The following MCRS1 variants were observed in gnomAD, a reference collection of about 807,000 sequenced individuals.
MCRS1 encodes microspherule protein 1, also known as 58 kDa microspherule protein.
MCRS1 carries 22 observed loss-of-function variants against 62.9 expected under a neutral mutation model. The ratio of observed to expected loss-of-function variants is 0.35; its 90% CI spans 0.25 to 0.50. The LOEUF (loss-of-function observed/expected upper bound fraction) is 0.50, where lower values mean the gene tolerates loss of function less well. Ranked by LOEUF, MCRS1 falls within the 20% of genes least tolerant of loss-of-function variation. The probability of loss-of-function intolerance (pLI) is 0.98; values close to 1 mark genes in which losing one functional copy is unlikely to be tolerated. For missense variants in MCRS1, 456 were observed against 601.1 expected (o/e 0.76, Z 2.52); for synonymous variants, 244 against 233.5 (o/e 1.04, Z -0.41).
chr12:49,564,050 G>A (rs1362844204), intron 6 of MCRS1, among the ~76,000 whole-genome samples: 1 of 152,216 alleles, frequency 6.6e-6, no homozygotes, highest in Admixed American at 6.5e-5. Flanking sequence ...TTATTTGGAA[G>A]CCTGTGGCTA....
rs756198445 is a variant in MCRS1 at position 49,559,011 on chromosome 12, G to A, written c.1175-41C>T. 3.1e-6 allele frequency: 5 copies of A among 1,604,608 alleles called. No individual in the cohort carries two copies. The East Asian group carries it at 8.9e-5, about 29-fold the overall frequency. On this transcript the variant is annotated intron_variant, in intron 13 of 14. Coordinates refer to ENST00000343810, the MANE Select transcript of MCRS1 (RefSeq NM_006337.5). The surrounding 1 kb of genome is among the most constrained non-coding windows in gnomAD (Gnocchi z 5.2). ...GAAAGAAGGGATGATGGGATGGGGA[G>A]GGATTGATGGGATGGGGAAAGGCCA...
In MCRS1 at chr12:49,559,802, C is replaced by A. The variant is rs1476334687; in HGVS notation, c.930G>T (p.Arg310=). 2 of 1,614,082 alleles carry A rather than the reference C, an allele frequency of 1.2e-6. No homozygotes were observed. Among genetic ancestry groups the A allele is most frequent in the Non-Finnish European group, 1.7e-6 (2 of 1,180,036 alleles). ...GCTGCCGAATCTCTCGCTTCTGGCG[C>A]CGGTCAGCCACCATCAGCTCTGGGG... ...VLEHELMVAD[R]RQKREIRQLE... Residue 310 remains arginine, a synonymous_variant, in exon 11 of 15, where the codon CGG becomes CGT. Transcript: ENST00000343810. The surrounding 1 kb of genome is among the most constrained non-coding windows in gnomAD (Gnocchi z 5.2).
At chr12:49,563,569 G>C in intron 6 of MCRS1, 23 bp from the exon 7 acceptor site, 1 of 1,577,112 alleles carries the variant, frequency 6.3e-7, no homozygotes. Flanking sequence ...AGAGACAGAG[G>C]GGAGGGGTGA....
Position 49,565,707 on chromosome 12 carries a change from C to A in MCRS1, c.150-40G>T, listed in dbSNP as rs551536259. 3 of 1,613,900 alleles carry A rather than the reference C, an allele frequency of 1.9e-6. No individual in the cohort carries two copies. The South Asian group carries it at 3.3e-5, about 18-fold the overall frequency. On this transcript the variant is annotated intron_variant, in intron 3 of 14. Coordinates refer to ENST00000343810, the MANE Select transcript of MCRS1 (RefSeq NM_006337.5). ...GCCCAGTGAACACTCCTTACCCCAC[C>A]CTGGTACCCATTCACACACCCCCAG...
chr12:49,558,819 C>T (rs779903157), intron 14 of MCRS1, 24 bp downstream of exon 14: 2 of 1,613,316 alleles, frequency 1.2e-6, no homozygotes. Flanking sequence ...TCATCCTGGC[C>T]TTCCTGCCTC....
intron 1 of MCRS1, 76 bp from the exon 2 acceptor site, chr12:49,566,917 TC>T: frequency 1.4e-6 from 1 of 708,426 alleles, no homozygotes; most frequent in Non-Finnish European, 2.4e-6. Flanking sequence ...CTGGCTCAGG[TC>T]CCCCAGGGTC....
At chr12:49,561,903 C>G (rs1340965741) in intron 8 of MCRS1, among the ~76,000 whole-genome samples, 1 of 152,202 alleles carries the variant, frequency 6.6e-6, no homozygotes, top group East Asian at 1.9e-4. Context: ...CAGGCGTGAG[C>G]CACCATGCCT....
chr12:49,560,465 G>A (rs781438720), intron 8 of MCRS1, 95 bp from the exon 9 acceptor site: 25 of 1,131,178 alleles, frequency 2.2e-5, no homozygotes, highest in African/African-American at 7.6e-5. Flanking sequence ...TGCAGACTGC[G>A]CTGGGTGGAG....
In MCRS1 at chr12:49,560,370, A is replaced by G. The variant is rs1157346382; in HGVS notation, c.806T>C (p.Val269Ala). Residue 269 changes from valine to alanine, a missense_variant and splice_region_variant, in exon 9 of 15, where the codon GTG (valine) becomes GCG (alanine). Physicochemically the swap from Val to Ala is moderately conservative, Grantham distance 64. Around this residue, in one of 3 missense-constraint regions of MCRS1, gnomAD observed 393 missense variants for 523.5 expected, o/e 0.75. Transcript: ENST00000343810. The part of the protein sequence containing the change: ...KQYYLLEDQT[V>A]QPLPKGDQVL... Reference sequence around the variant, plus strand: ...TTGGTCCCCTTTGGGCAGCGGCTGCACTGAACAAAGGACAGAGAAAGCGTG... The same window carrying G: ...TTGGTCCCCTTTGGGCAGCGGCTGCGCTGAACAAAGGACAGAGAAAGCGTG... The G allele has an allele frequency of 6.2e-7, 1 of 1,614,160 alleles. No homozygotes were observed. Among genetic ancestry groups the G allele is most frequent in the Non-Finnish European group, 8.5e-7 (1 of 1,179,958 alleles).
intron 9 of MCRS1, 145 bp from the exon 10 acceptor site, chr12:49,560,112 G>T: frequency 7.7e-7 from 1 of 1,301,742 alleles, no homozygotes; most frequent in Non-Finnish European, 1.1e-6. Context: ...CTCTGGGGTT[G>T]GGCTGGGGAT....
intron 8 of MCRS1, among the ~76,000 whole-genome samples, chr12:49,562,203 C>G (rs1402728219): frequency 6.6e-6 from 1 of 152,118 alleles, no homozygotes; most frequent in Non-Finnish European, 1.5e-5. Flanking sequence ...GTGATGGGTA[C>G]CAATGAAGCT....
intron 7 of MCRS1, 85 bp downstream of exon 7, chr12:49,563,353 G>A (rs2138194362): frequency 1.4e-6 from 2 of 1,402,630 alleles, no homozygotes; most frequent in Non-Finnish European, 2.0e-6. Context: ...GACAGTGGGT[G>A]GGGAGCTCTC....
At chr12:49,563,667 A>C in intron 6 of MCRS1, 121 bp from the exon 7 acceptor site, 2 of 685,224 alleles carry the variant, frequency 2.9e-6, no homozygotes, top group Non-Finnish European at 4.9e-6. Flanking sequence ...CCAGGCCCTC[A>C]TTAGGAAGGG....
At chr12:49,563,411 C>T in intron 7 of MCRS1, 27 bp downstream of exon 7, 1 of 1,595,356 alleles carries the variant, frequency 6.3e-7, no homozygotes, top group South Asian at 1.1e-5. Context: ...TGCCCTGATC[C>T]TCCACCTTCC....
chr12:49,565,348 CA>C, intron 4 of MCRS1, 180 bp downstream of exon 4: 1 of 985,294 alleles, frequency 1.0e-6, no homozygotes, highest in South Asian at 4.7e-5. Flanking sequence ...GTGGGGGCTG[CA>C]GCAAGAAATG....
intron 1 of MCRS1, among the ~76,000 whole-genome samples, chr12:49,567,260 G>A (rs1475471225): frequency 1.3e-5 from 2 of 151,934 alleles, no homozygotes; most frequent in Admixed American, 1.3e-4. Flanking sequence ...AAGAAAGGGA[G>A]ACAAAACTCC....
In MCRS1 at chr12:49,562,995, C is replaced by T. The variant is rs763443300; in HGVS notation, c.805+6G>A. 1.1e-5 allele frequency: 18 copies of T among 1,599,348 alleles called. No homozygotes were observed. The Middle Eastern group carries it at 1.4e-3, about 126-fold the overall frequency. On this transcript the variant is annotated splice_donor_region_variant and intron_variant, in intron 8 of 14. Transcript: ENST00000343810. The stretch of plus-strand genomic sequence containing the variant: ...ACCCCCATTCTGCCAGCTCCTGGGG[C>T]GTTACCTGTCTGGTCCTCCAGCAGG...
rs940755078 is a variant in MCRS1, at chr12:49,566,189, G to A, written c.37C>T (p.Leu13=). ...KDSQGLLDSS[L]MASGTASRSE... ...CGGCTGGCAGTGCCTGATGCCATCA[G>A]GGATGAATCTAGCAGCCCCTGAGAA... The change falls in exon 3 of 15, where the codon CTG becomes TTG. Residue 13 remains leucine, a synonymous_variant. Coordinates refer to ENST00000343810, the MANE Select transcript of MCRS1 (RefSeq NM_006337.5). The A allele has an allele frequency of 3.1e-6, 5 of 1,613,954 alleles. No individual in the cohort carries two copies. The highest frequency in any genetic ancestry group is 3.4e-6 in the Non-Finnish European group (4 of 1,179,916).
chr12:49,560,162 G>A, intron 9 of MCRS1, 133 bp downstream of exon 9: 1 of 1,204,094 alleles, frequency 8.3e-7, no homozygotes, highest in Non-Finnish European at 1.2e-6. Flanking sequence ...CCCAGTGGGA[G>A]GGGAGGGGGC....
Sources: allele counts gnomAD v4.1 joint callset (sites outside exome capture counted in the v4.1 genomes callset), GRCh38; gene constraint gnomAD v4.1.1; regional missense constraint gnomAD v4.1.1; non-coding constraint Gnocchi (gnomAD v3.1); transcripts MANE v1.5; gene names NCBI Gene and HGNC (gene_info 2026-07-23, HGNC 2026-07-21).